The following ZCCHC7 variants were observed in gnomAD, a reference collection of about 807,000 sequenced individuals.
The protein encoded by ZCCHC7 is zinc finger CCHC-type containing 7.
In ZCCHC7, 35 loss-of-function variants were observed where a neutral mutation model predicts 52.0. That is an observed-to-expected ratio of 0.67 (90% CI 0.51 to 0.89). The LOEUF (loss-of-function observed/expected upper bound fraction) is 0.89. Among genes scored for constraint, ZCCHC7 ranks in the 40% least tolerant of loss-of-function variants. The probability of loss-of-function intolerance (pLI) is 0.00; values close to 1 mark genes in which losing one functional copy is unlikely to be tolerated. For synonymous variants in ZCCHC7, 217 were observed against 221.5 expected, an observed-to-expected ratio of 0.98 and a Z score of 0.18; for missense variants, 574 against 649.1, an observed-to-expected ratio of 0.88 and a Z score of 1.26.
chr9:37,166,551 T>G (rs1821432970), intron 2 of ZCCHC7, among the ~76,000 whole-genome samples: 1 of 152,110 alleles, frequency 6.6e-6, no homozygotes, highest in Non-Finnish European at 1.5e-5. Flanking sequence ...TTTTAACTTT[T>G]TAAACTTTTT....
chr9:37,261,757 A>G (rs1431722426), intron 2 of ZCCHC7, among the ~76,000 whole-genome samples: 1 of 152,204 alleles, frequency 6.6e-6, no homozygotes, highest in Non-Finnish European at 1.5e-5. Flanking sequence ...TTAACCATTT[A>G]TGTAATCAGT....
At chr9:37,155,177 A>G (rs952852948) in intron 2 of ZCCHC7, among the ~76,000 whole-genome samples, 12 of 152,116 alleles carry the variant, frequency 7.9e-5, no homozygotes, top group South Asian at 2.1e-4. Flanking sequence ...TGGCTAACAC[A>G]GTGAAACCCT....
At chr9:37,256,672 G>A (rs4593644) in intron 2 of ZCCHC7, among the ~76,000 whole-genome samples, 80,770 of 151,900 alleles carry the variant, frequency 0.53, 21,911 homozygotes, top group African/African-American at 0.62. Context: ...AATAAAACTC[G>A]GTGAACCAGT....
chr9:37,351,442 A>G lies in ZCCHC7; in HGVS notation c.1083+1990A>G, dbSNP rs186744390. Among the ~76,000 whole-genome samples, 38 of 152,126 alleles carry G rather than the reference A, an allele frequency of 2.5e-4. No homozygotes were observed. In the East Asian group the frequency reaches 6.2e-3, roughly 25 times the overall value. On this transcript the variant is annotated intron_variant, in intron 7 of 8. Coordinates refer to ENST00000336755, the MANE Select transcript of ZCCHC7 (RefSeq NM_032226.3). ...CACCTCAGCCTCTCGAGTAGCTGGG[A>G]TTACAGGCACACACCACTGTGCCCA...
At chr9:37,197,140 A>C (rs753382038) in intron 2 of ZCCHC7, among the ~76,000 whole-genome samples, 5 of 152,196 alleles carry the variant, frequency 3.3e-5, no homozygotes, top group Non-Finnish European at 5.9e-5. Flanking sequence ...ATCAAAGCCA[A>C]GGTAGAGGAA....
intron 2 of ZCCHC7, among the ~76,000 whole-genome samples, chr9:37,281,012 A>G (rs1055938451): frequency 2.6e-5 from 4 of 152,226 alleles, no homozygotes; most frequent in African/African-American, 9.6e-5. Flanking sequence ...AAATAGAGTC[A>G]TATGGTTACA....
intron 2 of ZCCHC7, among the ~76,000 whole-genome samples, chr9:37,199,246 T>A (rs2133147810): frequency 6.6e-6 from 1 of 152,260 alleles, no homozygotes; most frequent in Non-Finnish European, 1.5e-5. Flanking sequence ...CCTAGCTGGC[T>A]CTGATTTCTC....
intron 2 of ZCCHC7, among the ~76,000 whole-genome samples, chr9:37,246,537 C>A (rs559562151): frequency 3.3e-5 from 5 of 152,138 alleles, no homozygotes; most frequent in Non-Finnish European, 7.4e-5. Context: ...AGTGCATTTA[C>A]TAAACACATT....
chr9:37,257,333 G>A (rs1429972978), intron 2 of ZCCHC7, among the ~76,000 whole-genome samples: 2 of 152,198 alleles, frequency 1.3e-5, no homozygotes, highest in African/African-American at 2.4e-5. Context: ...AAGGCAGAGA[G>A]GTTTCTTGCA....
chr9:37,301,666 G>C (rs1473318928), intron 2 of ZCCHC7, among the ~76,000 whole-genome samples: 1 of 152,144 alleles, frequency 6.6e-6, no homozygotes, highest in African/African-American at 2.4e-5. Flanking sequence ...GGGAGTCAAA[G>C]GACAGAAAGA....
At chr9:37,318,267 G>A (rs2117954135) in intron 5 of ZCCHC7, among the ~76,000 whole-genome samples, 1 of 152,036 alleles carries the variant, frequency 6.6e-6, no homozygotes, top group Admixed American at 6.6e-5. Context: ...TTCGAGATCA[G>A]CCTGGACAAC....
At chr9:37,189,029 A>G (rs1006281267) in intron 2 of ZCCHC7, among the ~76,000 whole-genome samples, 1 of 112,296 alleles carries the variant, frequency 8.9e-6, no homozygotes, top group African/African-American at 3.6e-5. Flanking sequence ...AATATTTTCT[A>G]TAAATCTGTC....
chr9:37,125,913 G>C (rs1466221963), intron 1 of ZCCHC7, among the ~76,000 whole-genome samples: 1 of 152,136 alleles, frequency 6.6e-6, no homozygotes, highest in Non-Finnish European at 1.5e-5. Context: ...ACAGTATTTG[G>C]CACCGTTACA....
chr9:37,169,375 A>G (rs1389666272), intron 2 of ZCCHC7, among the ~76,000 whole-genome samples: 1 of 152,202 alleles, frequency 6.6e-6, no homozygotes, highest in Non-Finnish European at 1.5e-5. Context: ...ATGGGACCAT[A>G]CTTTTCACTT....
intron 2 of ZCCHC7, among the ~76,000 whole-genome samples, chr9:37,225,111 C>CA (rs1323223270): frequency 6.6e-6 from 1 of 151,958 alleles, no homozygotes; most frequent in Non-Finnish European, 1.5e-5. Flanking sequence ...GAATTGAAGA[C>CA]CAATCAGGAA....
intron 2 of ZCCHC7, among the ~76,000 whole-genome samples, chr9:37,138,828 TTTTG>T (rs1244950871): frequency 1.1e-4 from 17 of 151,992 alleles, no homozygotes; most frequent in Middle Eastern, 3.4e-3. Context: ...TTCTTGTAGC[TTTTG>T]TTTATTATAA....
At chr9:37,341,155 G>T (rs1028800650) in intron 6 of ZCCHC7, among the ~76,000 whole-genome samples, 10 of 152,060 alleles carry the variant, frequency 6.6e-5, no homozygotes, top group African/African-American at 2.4e-4. Context: ...TGTTCACTTG[G>T]CATTACTAAT....
intron 6 of ZCCHC7, among the ~76,000 whole-genome samples, chr9:37,338,885 C>T (rs945764298): frequency 6.6e-6 from 1 of 151,826 alleles, no homozygotes; most frequent in Admixed American, 6.6e-5. Flanking sequence ...ATTTTTTCTA[C>T]GTAGCATGTG....
chr9:37,126,296 A>G lies in ZCCHC7; in HGVS notation c.-21-16A>G, dbSNP rs1210290972. 1.9e-6 allele frequency: 3 copies of G among 1,582,554 alleles called. No homozygotes were observed. Among genetic ancestry groups the G allele is most frequent in the Non-Finnish European group, 1.7e-6 (2 of 1,166,670 alleles). On this transcript the variant is annotated splice_polypyrimidine_tract_variant and intron_variant, in intron 1 of 8. Coordinates refer to ENST00000336755, the MANE Select transcript of ZCCHC7 (RefSeq NM_032226.3). ...ACTTTTAAAGTATATTCTGTGTACA[A>G]CTTTCTCTTTTGCAGCTTCAAGGTT...
Sources: allele counts gnomAD v4.1 joint callset (sites outside exome capture counted in the v4.1 genomes callset), GRCh38; gene constraint gnomAD v4.1.1; transcripts MANE v1.5; gene names NCBI Gene and HGNC (gene_info 2026-07-23, HGNC 2026-07-21).